HYLS1: variants seen among roughly 807,000 people sequenced by gnomAD.
HYLS1 encodes centriolar and ciliogenesis-associated protein HYLS1.
HYLS1 carries 25 observed loss-of-function variants against 29.4 expected under a neutral mutation model. That is an observed-to-expected ratio of 0.85 (90% CI 0.62 to 1.19). The LOEUF is 1.19. Ranked by LOEUF, HYLS1 falls within the 50% of genes most tolerant of loss-of-function variation. The pLI is 0.00. For missense variants in HYLS1, 352 were observed against 365.1 expected (o/e 0.96, Z 0.29); for synonymous variants, 128 against 126.7 (o/e 1.01, Z -0.07).
chr11:125,889,268 C>T (rs1365484043), intron 1 of HYLS1, among the ~76,000 whole-genome samples: 1 of 152,080 alleles, frequency 6.6e-6, no homozygotes, highest in African/African-American at 2.4e-5. Flanking sequence ...TTTAACCAGT[C>T]CCCTACTAAT....
rs546504307 is a variant in HYLS1 at position 125,900,518 on chromosome 11, G to A, written c.*250G>A. 1.0e-5 allele frequency: 5 copies of A among 491,856 alleles called. No homozygotes were observed. Among genetic ancestry groups the A allele is most frequent in the African/African-American group, 3.9e-5 (2 of 51,070 alleles). The allele number at this position is 491,856 out of a possible 1,614,324, so 30.5% of individuals were successfully genotyped here. On this transcript the variant is annotated 3_prime_UTR_variant, in exon 3 of 3. Coordinates refer to ENST00000425380, the MANE Select transcript of HYLS1 (RefSeq NM_001134793.2). ...ACAACAGACCTGGTCTTTCTATTTT[G>A]TCAAATTAGTAAGGGCCCTTTGTGT...
chr11:125,891,016 A>T (rs1261918550), intron 1 of HYLS1, among the ~76,000 whole-genome samples: 1 of 152,192 alleles, frequency 6.6e-6, no homozygotes, highest in Non-Finnish European at 1.5e-5. Context: ...GTATAAATAT[A>T]TAAAAAGTGT....
In HYLS1 at chr11:125,890,949, T is replaced by C. The variant is rs187250838; in HGVS notation, c.-75-474T>C. Among the ~76,000 whole-genome samples, 312 of 152,050 alleles carry C rather than the reference T, an allele frequency of 2.1e-3. 2 individuals carry two copies. Among genetic ancestry groups the C allele is most frequent in the Non-Finnish European group, 2.1e-3 (142 of 67,980 alleles). On this transcript the variant is annotated intron_variant, in intron 1 of 2. Transcript: ENST00000425380. ...CATGCCATTAAAAAAAAAAACTAAC[T>C]CTTGGCTTTACTGCCAAAAATCCTC...
chr11:125,900,033 A>G lies in HYLS1; in HGVS notation c.665A>G (p.Asp222Gly). ...RVARYFEYKR[D>G]WDSIRLPGED... Reference sequence around the variant, plus strand: ...GCCCGGTATTTTGAGTACAAACGGGACTGGGACTCAATACGTTTACCTGGT... The same window carrying G: ...GCCCGGTATTTTGAGTACAAACGGGGCTGGGACTCAATACGTTTACCTGGT... Residue 222 changes from aspartate (D) to glycine (G), a missense_variant, in exon 3 of 3, where the codon GAC (aspartate) becomes GGC (glycine). By Grantham distance (94) the Asp-to-Gly change is moderately conservative. Coordinates refer to ENST00000425380, the MANE Select transcript of HYLS1 (RefSeq NM_001134793.2). 6.2e-7 allele frequency: 1 copy of G among 1,614,206 alleles called. No individual in the cohort carries two copies. Among genetic ancestry groups the G allele is most frequent in the Non-Finnish European group, 8.5e-7 (1 of 1,180,034 alleles).
At chr11:125,887,244 C>G (rs1008949152), upstream of HYLS1, 1 of 152,452 alleles carries the variant, frequency 6.6e-6, no homozygotes, top group African/African-American at 2.4e-5. Context: ...ACCACTGGCC[C>G]CGCAGCAGCC....
Position 125,900,126 on chromosome 11 carries a change from C to T in HYLS1, c.758C>T (p.Ser253Phe). Residue 253 changes from serine (S) to phenylalanine (F), a missense_variant, in exon 3 of 3, where the codon TCC becomes TTC. Physicochemically the swap from Ser to Phe is radical, Grantham distance 155. Transcript: ENST00000425380. ...ATGCTTTGTCGAGCAGAACCCCAATCCAAACCTCAGCATATATATGTCCCA... is the reference window on the plus strand; with the variant it reads ...ATGCTTTGTCGAGCAGAACCCCAATTCAAACCTCAGCATATATATGTCCCA... Reference protein sequence around the residue: ...EQMLCRAEPQSKPQHIYVPNN... With the variant: ...EQMLCRAEPQFKPQHIYVPNN... The T allele has an allele frequency of 6.2e-7, 1 of 1,614,142 alleles. No homozygotes were observed. Among genetic ancestry groups the T allele is most frequent in the Non-Finnish European group, 8.5e-7 (1 of 1,180,024 alleles).
At chr11:125,890,309 G>A (rs979725228) in intron 1 of HYLS1, among the ~76,000 whole-genome samples, 1 of 151,920 alleles carries the variant, frequency 6.6e-6, no homozygotes, top group Non-Finnish European at 1.5e-5. Context: ...CTGATAATGT[G>A]TACCCTTTAA....
chr11:125,899,451 C>T lies in HYLS1; in HGVS notation c.83C>T (p.Thr28Ile). 6.2e-7 allele frequency: 1 copy of T among 1,614,168 alleles called. No individual in the cohort carries two copies. Among genetic ancestry groups the T allele is most frequent in the Non-Finnish European group, 8.5e-7 (1 of 1,180,020 alleles). ...ERMLAAATAFTHICAGQGEGD... is the reference protein window; with the variant it reads ...ERMLAAATAFIHICAGQGEGD... ...ATGTTGGCAGCTGCTACAGCTTTTA[C>T]CCACATCTGTGCAGGGCAGGGTGAA... The change falls in exon 3 of 3, where the codon ACC becomes ATC. Residue 28 changes from threonine to isoleucine, a missense_variant. Thr to Ile is a moderately conservative substitution (Grantham distance 89). Transcript: ENST00000425380.
At chr11:125,889,521 A>G (rs1474067305) in intron 1 of HYLS1, among the ~76,000 whole-genome samples, 4 of 151,924 alleles carry the variant, frequency 2.6e-5, no homozygotes, top group African/African-American at 4.8e-5. Context: ...ATCACTTGAG[A>G]TTGGGAGTTT....
At chr11:125,897,388 C>G (rs753108439) in intron 2 of HYLS1, among the ~76,000 whole-genome samples, 1 of 151,350 alleles carries the variant, frequency 6.6e-6, no homozygotes, top group East Asian at 1.9e-4. Context: ...AAGATGTGAC[C>G]TAAAAGGAAA....
intron 2 of HYLS1, chr11:125,893,838 C>T: frequency 6.2e-7 from 1 of 1,613,914 alleles, no homozygotes; most frequent in Non-Finnish European, 8.5e-7. Context: ...GTTGGTGTCT[C>T]CAAATTAGTA....
intron 2 of HYLS1, chr11:125,895,664 G>A: frequency 6.2e-7 from 1 of 1,614,190 alleles, no homozygotes; most frequent in African/African-American, 1.3e-5. Flanking sequence ...TGTCTGGAGG[G>A]AGTACCCGAT....
intron 2 of HYLS1, among the ~76,000 whole-genome samples, chr11:125,892,850 T>C (rs1208814909): frequency 2.0e-5 from 3 of 152,340 alleles, no homozygotes; most frequent in African/African-American, 7.2e-5. Flanking sequence ...ATCTAAGCTT[T>C]TTAAGGAATG....
rs1208533913 is a variant in HYLS1 at position 125,887,712 on chromosome 11, G to T, written c.-129G>T. 6.6e-6 allele frequency: 1 copy of T among 152,316 alleles called. No individual in the cohort carries two copies. The highest frequency in any genetic ancestry group is 2.4e-5 in the African/African-American group (1 of 41,482). 9.4% of individuals were successfully genotyped at this position (152,316 alleles called of 1,614,324 possible). ...CGCGAAAGCTAACAGAATCTGCGGT[G>T]CTCTGCTGGCGACTGGCAGGACGCG... is the stretch of plus-strand genomic sequence containing the variant. On this transcript the variant is annotated 5_prime_UTR_variant, in exon 1 of 3. Coordinates refer to ENST00000425380, the MANE Select transcript of HYLS1 (RefSeq NM_001134793.2).
At chr11:125,890,796 C>G (rs536785830) in intron 1 of HYLS1, among the ~76,000 whole-genome samples, 5 of 152,170 alleles carry the variant, frequency 3.3e-5, no homozygotes, top group African/African-American at 1.2e-4. Flanking sequence ...TACCTATGGA[C>G]CTTATTAAAG....
chr11:125,897,522 T>TAA (rs367854387), intron 2 of HYLS1, among the ~76,000 whole-genome samples: 53 of 147,342 alleles, frequency 3.6e-4, no homozygotes, highest in Middle Eastern at 3.5e-3. Context: ...AATGAAAAAG[T>TAA]AAAAAAAAAA....
At chr11:125,891,537 A>G (rs1429457080) in intron 2 of HYLS1, 65 bp downstream of exon 2, 1 of 150,474 alleles carries the variant, frequency 6.6e-6, no homozygotes, top group East Asian at 2.0e-4. Context: ...TTATTCCACC[A>G]TGATCATTGA....
chr11:125,900,622 C>A lies in HYLS1; in HGVS notation c.*354C>A. On this transcript the variant is annotated 3_prime_UTR_variant, in exon 3 of 3. Transcript: ENST00000425380. ...TTTAAGTTGCTGGGCATTACACTTACCAATTAAAGAATTTTGGAAATTCAT... is the reference window on the plus strand; with the variant it reads ...TTTAAGTTGCTGGGCATTACACTTAACAATTAAAGAATTTTGGAAATTCAT... 1 of 271,144 alleles carries A rather than the reference C, an allele frequency of 3.7e-6. No homozygotes were observed. Among genetic ancestry groups the A allele is most frequent in the Non-Finnish European group, 7.6e-6 (1 of 132,428 alleles). 16.8% of individuals were successfully genotyped at this position (271,144 alleles called of 1,614,324 possible).
chr11:125,893,928 G>A lies in HYLS1; in HGVS notation c.-26+2456G>A, dbSNP rs774005569. ...TGGAATAAATGTGGGTGCTCAATTC[G>A]TCCCCTACGTACAAAATGCTGGATC... On this transcript the variant is annotated intron_variant, in intron 2 of 2. Coordinates refer to ENST00000425380, the MANE Select transcript of HYLS1 (RefSeq NM_001134793.2). 1.9e-5 allele frequency: 31 copies of A among 1,613,966 alleles called. No homozygotes were observed. Among genetic ancestry groups the A allele is most frequent in the Non-Finnish European group, 2.5e-5 (29 of 1,180,000 alleles).
Sources: allele counts gnomAD v4.1 joint callset (sites outside exome capture counted in the v4.1 genomes callset), GRCh38; gene constraint gnomAD v4.1.1; transcripts MANE v1.5; gene names NCBI Gene and HGNC (gene_info 2026-07-23, HGNC 2026-07-21).